AFF3: variants seen among roughly 807,000 people sequenced by gnomAD.
The protein encoded by AFF3 is AF4/FMR2 family member 3.
Under a neutral mutation model 129.7 loss-of-function variants are expected in AFF3, and 32 were observed. The observed-to-expected ratio is 0.25, with a 90% CI of 0.19 to 0.33. The LOEUF (loss-of-function observed/expected upper bound fraction) is 0.33, where lower values mean the gene tolerates loss of function less well. AFF3 is among the 10% of genes least tolerant of loss of function. The probability of loss-of-function intolerance (pLI) is 1.00; values close to 1 mark genes in which losing one functional copy is unlikely to be tolerated. For synonymous variants in AFF3, 644 were observed against 635.4 expected (o/e 1.01, Z -0.20); for missense variants, 1,373 against 1,592.0 (o/e 0.86, Z 2.34).
At chr2:99,895,198 C>A (rs6719132) in intron 7 of AFF3, among the ~76,000 whole-genome samples, 2 of 152,194 alleles carry the variant, frequency 1.3e-5, no homozygotes, top group Admixed American at 6.5e-5. Flanking sequence ...GAGCAAGGAA[C>A]ATCAAGCTCG....
At chr2:100,086,567 C>A (rs1689446318) in intron 4 of AFF3, among the ~76,000 whole-genome samples, 2 of 152,104 alleles carry the variant, frequency 1.3e-5, no homozygotes, top group Admixed American at 1.3e-4. Flanking sequence ...TCTAAGAGAA[C>A]CTAATGGTGA....
In AFF3 at chr2:99,550,377, C is replaced by T. The variant is rs1025672765; in HGVS notation, c.*1097G>A. ...AACGCATCAAAGGGCTGCAGGTGCA[C>T]ATTCTGCATGAGGAGTGAGAGAATC... On this transcript the variant is annotated 3_prime_UTR_variant, in exon 25 of 25. Transcript: ENST00000672756. The T allele has an allele frequency of 4.3e-6, 1 of 230,224 alleles. No individual in the cohort carries two copies. Among genetic ancestry groups the T allele is most frequent in the Admixed American group, 5.6e-5 (1 of 17,710 alleles). The allele number at this position is 230,224 out of a possible 1,614,324, so 14.3% of individuals were successfully genotyped here.
At chr2:99,564,345 G>A (rs1221764821) in intron 20 of AFF3, among the ~76,000 whole-genome samples, 1 of 152,000 alleles carries the variant, frequency 6.6e-6, no homozygotes, top group Non-Finnish European at 1.5e-5. Context: ...TTCTGAGGAA[G>A]GAATGTATGG....
intron 9 of AFF3, among the ~76,000 whole-genome samples, chr2:99,748,765 C>T (rs889662697): frequency 5.9e-5 from 9 of 152,258 alleles, no homozygotes; most frequent in Middle Eastern, 3.4e-3. Flanking sequence ...TAACACAAAC[C>T]GTACATATTT....
intron 2 of AFF3, among the ~76,000 whole-genome samples, chr2:100,123,400 G>T (rs1164266612): frequency 3.9e-5 from 6 of 152,090 alleles, no homozygotes; most frequent in African/African-American, 7.2e-5. Context: ...GACTGTCAAG[G>T]CATATGAAAG....
At chr2:99,960,420 A>G (rs1677105399) in intron 7 of AFF3, among the ~76,000 whole-genome samples, 1 of 151,718 alleles carries the variant, frequency 6.6e-6, no homozygotes, top group African/African-American at 2.4e-5. Flanking sequence ...TCATTCTGAT[A>G]CTTCATTTAA....
At chr2:99,830,771 C>A (rs1200349911) in intron 8 of AFF3, among the ~76,000 whole-genome samples, 2 of 152,140 alleles carry the variant, frequency 1.3e-5, no homozygotes, top group East Asian at 3.8e-4. Context: ...CAAAATAAAA[C>A]AAAGACAATC....
At chr2:99,770,672 G>A (rs1370530703) in intron 8 of AFF3, among the ~76,000 whole-genome samples, 15 of 152,168 alleles carry the variant, frequency 9.9e-5, no homozygotes, top group Non-Finnish European at 1.5e-4. Flanking sequence ...GTTATTCAGG[G>A]ACCAAGGGCT....
At chr2:99,934,404 G>A (rs551432366) in intron 7 of AFF3, among the ~76,000 whole-genome samples, 154 of 152,236 alleles carry the variant, frequency 1.0e-3, no homozygotes, top group Non-Finnish European at 1.9e-3. Context: ...CTGTGGCCCC[G>A]CATGTATAGA....
At chr2:99,772,317 T>C (rs1683556728) in intron 8 of AFF3, among the ~76,000 whole-genome samples, 1 of 152,142 alleles carries the variant, frequency 6.6e-6, no homozygotes, top group Admixed American at 6.5e-5. Context: ...GGGTGAGTCC[T>C]GTGAGAAGAA....
chr2:99,705,874 C>CAAAAAAAAA (rs34186291), intron 11 of AFF3, among the ~76,000 whole-genome samples: 1 of 53,420 alleles, frequency 1.9e-5, no homozygotes. Flanking sequence ...AACTGCGCCT[C>CAAAAAAAAA]AAAAAAAAAA....
chr2:99,548,587 G>T lies in AFF3; in HGVS notation c.*2887C>A, dbSNP rs1674194718. 5.0e-6 allele frequency: 1 copy of T among 199,144 alleles called. No individual in the cohort carries two copies. Among genetic ancestry groups the T allele is most frequent in the South Asian group, 1.9e-4 (1 of 5,210 alleles). 12.3% of individuals were successfully genotyped at this position (199,144 alleles called of 1,614,324 possible). A position where few individuals can be genotyped will look rare whatever the true frequency, so the allele number is the denominator to read the frequency against. ...CCCCCATCTCTACAAAAAAAATAAA[G>T]AAAAAATTAGCCGGGTGTGGTGGCA... On this transcript the variant is annotated 3_prime_UTR_variant, in exon 25 of 25. Transcript: ENST00000672756.
intron 7 of AFF3, among the ~76,000 whole-genome samples, chr2:99,968,029 CAGT>C (rs144271952): frequency 0.01 from 1,542 of 152,350 alleles, 29 homozygotes; most frequent in African/African-American, 0.036. Flanking sequence ...ATCTCAGCAA[CAGT>C]AGATCATTCT....
chr2:99,947,606 AGAT>A (rs1559000310), intron 7 of AFF3, among the ~76,000 whole-genome samples: 6,176 of 49,910 alleles, frequency 0.12, 157 homozygotes, highest in Middle Eastern at 0.23. Flanking sequence ...AAAGAAAGAT[AGAT>A]AGATAGATAG....
intron 8 of AFF3, among the ~76,000 whole-genome samples, chr2:99,760,859 T>C (rs6721652): frequency 0.87 from 132,758 of 152,158 alleles, 57,977 homozygotes; most frequent in South Asian, 0.93. Flanking sequence ...AATAAGCCTG[T>C]ACCCTATTCC....
intron 4 of AFF3, among the ~76,000 whole-genome samples, chr2:100,048,978 T>A (rs971469706): frequency 6.6e-6 from 1 of 152,212 alleles, no homozygotes; most frequent in Non-Finnish European, 1.5e-5. Context: ...CTCTCTGAAG[T>A]CATTTCTCTG....
chr2:100,000,440 C>G (rs1221663196), intron 7 of AFF3, among the ~76,000 whole-genome samples: 1 of 152,020 alleles, frequency 6.6e-6, no homozygotes, highest in Non-Finnish European at 1.5e-5. Flanking sequence ...CCAGGATAAT[C>G]TTGGTTTTCA....
At chr2:99,617,431 C>T (rs1296632586) in intron 13 of AFF3, among the ~76,000 whole-genome samples, 2 of 152,172 alleles carry the variant, frequency 1.3e-5, no homozygotes, top group African/African-American at 4.8e-5. Context: ...TTTTCATGTG[C>T]TTGTTAGCCA....
At chr2:99,757,730 A>G (rs1443802396) in intron 8 of AFF3, among the ~76,000 whole-genome samples, 1 of 152,118 alleles carries the variant, frequency 6.6e-6, no homozygotes, top group East Asian at 1.9e-4. Flanking sequence ...GATCCCCTGA[A>G]TATACCACGC....
Sources: allele counts gnomAD v4.1 joint callset (sites outside exome capture counted in the v4.1 genomes callset), GRCh38; gene constraint gnomAD v4.1.1; transcripts MANE v1.5; gene names NCBI Gene and HGNC (gene_info 2026-07-23, HGNC 2026-07-21).